The following GPC6 variants were observed in gnomAD, a reference collection of about 807,000 sequenced individuals.
GPC6 encodes glypican-6.
A neutral mutation model predicts 55.2 loss-of-function variants in GPC6; 14 were observed. The ratio of observed to expected loss-of-function variants is 0.25; its 90% CI spans 0.17 to 0.40. GPC6 has a LOEUF of 0.40. Ranked by LOEUF, GPC6 falls within the 10% of genes least tolerant of loss-of-function variation. The probability of loss-of-function intolerance (pLI) is 1.00; values close to 1 mark genes in which losing one functional copy is unlikely to be tolerated. For missense variants in GPC6, 641 were observed against 708.5 expected (o/e 0.90, Z 1.08); for synonymous variants, 278 against 259.6 (o/e 1.07, Z -0.68).
At chr13:93,598,869 C>G (rs1302043882) in intron 2 of GPC6, among the ~76,000 whole-genome samples, 2 of 152,132 alleles carry the variant, frequency 1.3e-5, no homozygotes, top group Non-Finnish European at 2.9e-5. Flanking sequence ...TAATAGCTTT[C>G]TGTTATTTTG....
At chr13:94,135,679 C>A (rs1361562157) in intron 4 of GPC6, among the ~76,000 whole-genome samples, 1 of 152,180 alleles carries the variant, frequency 6.6e-6, no homozygotes, top group Non-Finnish European at 1.5e-5. Context: ...ATTACCAGTA[C>A]CTATTTTTTA....
chr13:94,155,341 T>A (rs1029762686), intron 4 of GPC6, among the ~76,000 whole-genome samples: 1 of 152,160 alleles, frequency 6.6e-6, no homozygotes, highest in Non-Finnish European at 1.5e-5. Context: ...CCTACACCTT[T>A]TAAATACCAC....
intron 4 of GPC6, among the ~76,000 whole-genome samples, chr13:94,201,311 C>T (rs938924638): frequency 7.2e-5 from 11 of 152,184 alleles, no homozygotes; most frequent in South Asian, 6.2e-4. Flanking sequence ...CTGACATTGG[C>T]GCTGCGGGAG....
At chr13:93,583,156 A>C (rs952651565) in intron 2 of GPC6, among the ~76,000 whole-genome samples, 1 of 152,192 alleles carries the variant, frequency 6.6e-6, no homozygotes, top group Non-Finnish European at 1.5e-5. Flanking sequence ...CTTGACCCCA[A>C]ATAAAGGTTG....
intron 1 of GPC6, among the ~76,000 whole-genome samples, chr13:93,332,270 T>A (rs966410340): frequency 6.6e-6 from 1 of 151,654 alleles, no homozygotes; most frequent in African/African-American, 2.4e-5. Flanking sequence ...TCTTTTTTTT[T>A]TTTTTTTGCG....
intron 4 of GPC6, among the ~76,000 whole-genome samples, chr13:94,160,619 T>G (rs1888125427): frequency 6.6e-6 from 1 of 152,234 alleles, no homozygotes; most frequent in Non-Finnish European, 1.5e-5. Flanking sequence ...AGATACATAA[T>G]TAACTTTCAG....
Position 93,754,364 on chromosome 13 carries a change from A to G in GPC6, c.320-75790A>G, listed in dbSNP as rs750258309. Among the ~76,000 whole-genome samples the G allele has an allele frequency of 1.3e-3, 194 of 152,160 alleles. 6 individuals are homozygous for G. Among genetic ancestry groups the G allele is most frequent in the Non-Finnish European group, 5.9e-4 (40 of 68,024 alleles). On this transcript the variant is annotated intron_variant, in intron 2 of 8. Transcript: ENST00000377047. ...ATTCTCTTTTCCTACTTACAGGTAT[A>G]ATATTGATTCTTAACACCTACTAAT...
chr13:93,822,038 C>CATATA (rs145785161), intron 2 of GPC6, among the ~76,000 whole-genome samples: 1 of 111,772 alleles, frequency 8.9e-6, no homozygotes, highest in Admixed American at 9.8e-5. Context: ...AATATGTATA[C>CATATA]ACATGATATA....
At chr13:94,210,826 C>A (rs565229928) in intron 4 of GPC6, among the ~76,000 whole-genome samples, 20 of 152,300 alleles carry the variant, frequency 1.3e-4, no homozygotes, top group Middle Eastern at 3.4e-3. Flanking sequence ...GCTCTAACTA[C>A]AAATACCAGG....
At chr13:93,807,036 G>A (rs778137844) in intron 2 of GPC6, among the ~76,000 whole-genome samples, 16 of 152,224 alleles carry the variant, frequency 1.1e-4, no homozygotes, top group Middle Eastern at 3.4e-3. Flanking sequence ...TAATATCTTT[G>A]CAGCTCAAAT....
At chr13:93,900,045 A>G (rs1876258910) in intron 3 of GPC6, among the ~76,000 whole-genome samples, 1 of 152,180 alleles carries the variant, frequency 6.6e-6, no homozygotes, top group Admixed American at 6.6e-5. Context: ...GACTCAAACA[A>G]AATTTCTCAG....
chr13:93,653,212 C>T (rs1448728428), intron 2 of GPC6, among the ~76,000 whole-genome samples: 1 of 152,114 alleles, frequency 6.6e-6, no homozygotes, highest in East Asian at 1.9e-4. Context: ...TGAAAGTATC[C>T]TATAGTTATC....
intron 1 of GPC6, among the ~76,000 whole-genome samples, chr13:93,323,355 A>G (rs867891651): frequency 6.6e-6 from 1 of 152,208 alleles, no homozygotes; most frequent in African/African-American, 2.4e-5. Context: ...TATGTGATAT[A>G]TATCAGTTTT....
At chr13:93,277,700 A>G (rs1402735640) in intron 1 of GPC6, among the ~76,000 whole-genome samples, 1 of 152,096 alleles carries the variant, frequency 6.6e-6, no homozygotes, top group Non-Finnish European at 1.5e-5. Context: ...TAAAAATAGA[A>G]TAATTGTTCA....
chr13:94,322,564 G>A (rs2139131324), intron 6 of GPC6, among the ~76,000 whole-genome samples: 1 of 152,094 alleles, frequency 6.6e-6, no homozygotes, highest in South Asian at 2.1e-4. Context: ...TTTCAGCCCA[G>A]TTAAAATATC....
chr13:94,151,755 A>G (rs1887750442), intron 4 of GPC6, among the ~76,000 whole-genome samples: 1 of 152,122 alleles, frequency 6.6e-6, no homozygotes, highest in African/African-American at 2.4e-5. Flanking sequence ...TCGAAAGGGC[A>G]TCCCTAAACA....
chr13:93,869,969 T>C (rs1223833873), intron 3 of GPC6, among the ~76,000 whole-genome samples: 1 of 151,848 alleles, frequency 6.6e-6, no homozygotes, highest in Non-Finnish European at 1.5e-5. Flanking sequence ...GATGGCAATT[T>C]TGATCTCAGC....
chr13:94,314,666 T>A (rs1876428867), intron 6 of GPC6, among the ~76,000 whole-genome samples: 1 of 152,250 alleles, frequency 6.6e-6, no homozygotes, highest in Non-Finnish European at 1.5e-5. Flanking sequence ...CTTTTCCTTG[T>A]CATGGAAAAT....
intron 4 of GPC6, among the ~76,000 whole-genome samples, chr13:94,115,719 G>A (rs559684905): frequency 2.0e-5 from 3 of 152,136 alleles, no homozygotes; most frequent in East Asian, 3.9e-4. Flanking sequence ...ACAAACCTAC[G>A]AACATTTCTA....
Sources: allele counts gnomAD v4.1 joint callset (sites outside exome capture counted in the v4.1 genomes callset), GRCh38; gene constraint gnomAD v4.1.1; transcripts MANE v1.5; gene names NCBI Gene and HGNC (gene_info 2026-07-23, HGNC 2026-07-21).